NDUFA9: variants seen among roughly 807,000 people sequenced by gnomAD.
NDUFA9 encodes the protein NADH:ubiquinone oxidoreductase subunit A9.
A neutral mutation model predicts 45.9 loss-of-function variants in NDUFA9; 23 were observed. The observed-to-expected ratio is 0.50, with a 90% confidence interval of 0.36 to 0.71. The LOEUF (loss-of-function observed/expected upper bound fraction) is 0.71. NDUFA9 is among the 30% of genes least tolerant of loss of function. NDUFA9 has a pLI of 0.00. For missense variants in NDUFA9, 466 were observed against 488.2 expected (o/e 0.95, Z 0.43); for synonymous variants, 176 against 170.5 (o/e 1.03, Z -0.25).
Position 4,649,177 on chromosome 12 carries a change from T to G in NDUFA9, c.49+2T>G, listed in dbSNP as rs1945738598. 6.2e-7 allele frequency: 1 copy of G among 1,603,548 alleles called. No individual in the cohort carries two copies. The highest frequency in any genetic ancestry group is 1.7e-5 in the Admixed American group (1 of 58,586). The stretch of plus-strand genomic sequence containing the variant: ...TTGTCCGGGTCCTGTCAATGTCACG[T>G]AAGTGTTACCGGGAACGGCGGCCCC... On this transcript the variant is annotated splice_donor_variant, in intron 1 of 10. Coordinates refer to ENST00000266544, the MANE Select transcript of NDUFA9 (RefSeq NM_005002.5). LOFTEE classifies it high-confidence loss of function.
At chr12:4,667,886 A>C (rs1171686145) in intron 6 of NDUFA9, among the ~76,000 whole-genome samples, 4 of 152,202 alleles carry the variant, frequency 2.6e-5, no homozygotes, top group Admixed American at 2.6e-4. Flanking sequence ...TTAACCTAAC[A>C]TTTAAACTAC....
chr12:4,685,149 C>T lies in NDUFA9; in HGVS notation c.897-110C>T, dbSNP rs1189130642. The T allele has an allele frequency of 5.4e-6, 5 of 931,874 alleles. No homozygotes were observed. The African/African-American group carries it at 8.2e-5, about 15-fold the overall frequency. The allele number at this position is 931,874 out of a possible 1,614,324, so 57.7% of individuals were successfully genotyped here. A position where few individuals can be genotyped will look rare whatever the true frequency, so the allele number is the denominator to read the frequency against. ...GGTTATTTTCTTAAAAAAAAAAAATCAGTTCAGACTGCTCTACAGCGGTCT... is the reference window on the plus strand; with the variant it reads ...GGTTATTTTCTTAAAAAAAAAAAATTAGTTCAGACTGCTCTACAGCGGTCT... On this transcript the variant is annotated intron_variant, in intron 9 of 10. Coordinates refer to ENST00000266544, the MANE Select transcript of NDUFA9 (RefSeq NM_005002.5).
At chr12:4,667,156 A>G (rs577014195) in intron 6 of NDUFA9, among the ~76,000 whole-genome samples, 10 of 152,154 alleles carry the variant, frequency 6.6e-5, no homozygotes, top group South Asian at 2.1e-4. Flanking sequence ...GACAAATGCT[A>G]TGTCCCCACA....
intron 8 of NDUFA9, among the ~76,000 whole-genome samples, chr12:4,672,645 T>C (rs1945894348): frequency 6.6e-6 from 1 of 152,128 alleles, no homozygotes; most frequent in South Asian, 2.1e-4. Context: ...CCACTGCAGC[T>C]CAGGAAGACA....
Position 4,687,342 on chromosome 12 carries a change from C to T in NDUFA9, c.*234C>T, listed in dbSNP as rs1302748531. 9.3e-6 allele frequency: 3 copies of T among 321,410 alleles called. No individual in the cohort carries two copies. The highest frequency in any genetic ancestry group is 1.7e-5 in the Non-Finnish European group (3 of 180,560). The allele number at this position is 321,410 out of a possible 1,614,324, so 19.9% of individuals were successfully genotyped here. A position where few individuals can be genotyped will look rare whatever the true frequency, so the allele number is the denominator to read the frequency against. On this transcript the variant is annotated 3_prime_UTR_variant, in exon 11 of 11. Transcript: ENST00000266544. ...AATAATGATATATATACTATTTATT[C>T]TCTGAAATGCCAGAGAGTTTGAATT...
chr12:4,662,457 T>C, intron 5 of NDUFA9, 76 bp from the exon 6 acceptor site: 1 of 1,087,930 alleles, frequency 9.2e-7, no homozygotes, highest in East Asian at 2.4e-5. Context: ...ACAAGTCATG[T>C]CTTAATAGTG....
At position 4,649,181 on chromosome 12, in the gene NDUFA9, T is replaced by G; in HGVS notation, c.49+6T>G. ...CCGGGTCCTGTCAATGTCACGTAAG[T>G]GTTACCGGGAACGGCGGCCCCTGGT... On this transcript the variant is annotated splice_donor_region_variant and intron_variant, in intron 1 of 10. Coordinates refer to ENST00000266544, the MANE Select transcript of NDUFA9 (RefSeq NM_005002.5). The G allele has an allele frequency of 2.5e-6, 4 of 1,602,780 alleles. No homozygotes were observed. Among genetic ancestry groups the G allele is most frequent in the Non-Finnish European group, 3.4e-6 (4 of 1,174,692 alleles).
intron 1 of NDUFA9, among the ~76,000 whole-genome samples, chr12:4,651,379 G>A (rs532145513): frequency 1.3e-5 from 2 of 152,134 alleles, no homozygotes; most frequent in East Asian, 3.9e-4. Context: ...TATTTGCAAG[G>A]CACTGTGACA....
chr12:4,655,239 G>T (rs111469994), intron 3 of NDUFA9: 2,659 of 225,022 alleles, frequency 0.012, 61 homozygotes, highest in African/African-American at 0.054. Flanking sequence ...TACACAAATG[G>T]GCATGGCTGC....
chr12:4,659,580 A>G (rs1331557635), intron 5 of NDUFA9, among the ~76,000 whole-genome samples: 2 of 152,152 alleles, frequency 1.3e-5, no homozygotes, highest in Admixed American at 1.3e-4. Flanking sequence ...TAAAGGGGCA[A>G]TGTGAAGGCT....
At chr12:4,681,423 A>G (rs1776955351) in intron 8 of NDUFA9, among the ~76,000 whole-genome samples, 1 of 151,692 alleles carries the variant, frequency 6.6e-6, no homozygotes, top group Non-Finnish European at 1.5e-5. Context: ...AGATGTATAA[A>G]TGACCAAAAA....
chr12:4,683,475 T>G (rs2137487229), intron 9 of NDUFA9, among the ~76,000 whole-genome samples: 1 of 152,250 alleles, frequency 6.6e-6, no homozygotes, highest in South Asian at 2.1e-4. Context: ...CACTCAAAAA[T>G]CTTATGGTCA....
At chr12:4,681,562 A>G (rs897953187) in intron 8 of NDUFA9, among the ~76,000 whole-genome samples, 1 of 148,864 alleles carries the variant, frequency 6.7e-6, no homozygotes, top group Non-Finnish European at 1.5e-5. Context: ...TGGAGGGGGC[A>G]TTCTTATATA....
chr12:4,687,860 A>G lies in NDUFA9; in HGVS notation c.*752A>G, dbSNP rs1945997139. The stretch of plus-strand genomic sequence containing the variant: ...ATTTGGTTTAGTGTTGGCAAATCCC[A>G]CCAGTACAGTGTGATTTAAAACTCC... On this transcript the variant is annotated 3_prime_UTR_variant, in exon 11 of 11. Transcript: ENST00000266544. The G allele has an allele frequency of 6.6e-6, 1 of 152,170 alleles. No individual in the cohort carries two copies. Among genetic ancestry groups the G allele is most frequent in the Non-Finnish European group, 1.5e-5 (1 of 68,038 alleles). The allele number at this position is 152,170 out of a possible 1,614,324, so 9.4% of individuals were successfully genotyped here.
intron 3 of NDUFA9, chr12:4,655,383 A>G (rs965282805): frequency 6.5e-6 from 1 of 154,264 alleles, no homozygotes; most frequent in Non-Finnish European, 1.4e-5. Flanking sequence ...TACTGAGCAC[A>G]TGAAATGTGG....
chr12:4,677,289 A>T (rs1300844057), intron 8 of NDUFA9, among the ~76,000 whole-genome samples: 2 of 152,250 alleles, frequency 1.3e-5, no homozygotes, highest in Non-Finnish European at 2.9e-5. Flanking sequence ...ACAAAAGCCA[A>T]AATAGACAAA....
chr12:4,684,756 A>C (rs1442914464), intron 9 of NDUFA9, among the ~76,000 whole-genome samples: 1 of 151,256 alleles, frequency 6.6e-6, no homozygotes, highest in Non-Finnish European at 1.5e-5. Context: ...TTTGGGTTTT[A>C]TATTGTCGTC....
intron 1 of NDUFA9, among the ~76,000 whole-genome samples, chr12:4,652,712 A>T (rs1381277226): frequency 6.6e-6 from 1 of 152,214 alleles, no homozygotes; most frequent in African/African-American, 2.4e-5. Context: ...TAAAGTGGTG[A>T]TAAAGATAGC....
At position 4,662,594 on chromosome 12, in the gene NDUFA9, A is replaced by T; in HGVS notation, c.614A>T (p.Asp205Val). The T allele has an allele frequency of 6.2e-7, 1 of 1,613,980 alleles. No homozygotes were observed. The highest frequency in any genetic ancestry group is 8.5e-7 in the Non-Finnish European group (1 of 1,179,878). The change falls in exon 6 of 11, where the codon GAC (aspartate) becomes GTC (valine). Residue 205 changes from aspartate (D) to valine (V), a missense_variant. By Grantham distance (152) the Asp-to-Val change is radical (BLOSUM62 -3). Coordinates refer to ENST00000266544, the MANE Select transcript of NDUFA9 (RefSeq NM_005002.5). ...GAAGCCATTATCGTAAAGCCGTCGG[A>T]CATCTTTGGAAGAGAGGATAGATTC... Reference protein sequence around the residue: ...FPEAIIVKPSDIFGREDRFLN... With the variant: ...FPEAIIVKPSVIFGREDRFLN...
Sources: gnomAD v4.1 joint callset for allele counts (sites outside exome capture counted in the v4.1 genomes callset) on GRCh38, gnomAD v4.1.1 for gene constraint, MANE v1.5 for transcripts, NCBI Gene and HGNC (gene_info 2026-07-23, HGNC 2026-07-21) for gene names.